The following ATF6 variants were observed in gnomAD, a reference collection of about 807,000 sequenced individuals.
ATF6 encodes the protein activating transcription factor 6.
In ATF6, 53 loss-of-function variants were observed where a neutral mutation model predicts 83.6. The ratio of observed to expected loss-of-function variants is 0.63; its 90% CI spans 0.51 to 0.80. ATF6 has a LOEUF of 0.80. ATF6 is among the 30% of genes least tolerant of loss of function. The pLI, the probability that ATF6 is intolerant of heterozygous loss-of-function variation, is 0.00. For missense variants in ATF6, 744 were observed against 797.9 expected, an observed-to-expected ratio of 0.93 and a Z score of 0.81; for synonymous variants, 288 against 285.8, an observed-to-expected ratio of 1.01 and a Z score of -0.08.
At chr1:161,909,784 G>A (rs1246771103) in intron 14 of ATF6, among the ~76,000 whole-genome samples, 2 of 152,016 alleles carry the variant, frequency 1.3e-5, no homozygotes, top group East Asian at 1.9e-4. Context: ...GTGAAACCCC[G>A]TCTCTACTAA....
chr1:161,908,646 G>A (rs539061933), intron 14 of ATF6, among the ~76,000 whole-genome samples: 29 of 151,202 alleles, frequency 1.9e-4, no homozygotes, highest in African/African-American at 6.3e-4. Context: ...TAAGCCCTAC[G>A]GAAAGCCTCA....
Position 161,958,759 on chromosome 1 carries a change from C to T in ATF6, c.*105C>T, listed in dbSNP as rs982779770. The T allele has an allele frequency of 9.6e-6, 9 of 937,322 alleles. No homozygotes were observed. Among genetic ancestry groups the T allele is most frequent in the East Asian group, 7.6e-5 (3 of 39,248 alleles). The allele number at this position is 937,322 out of a possible 1,614,324, so 58.1% of individuals were successfully genotyped here. A position where few individuals can be genotyped will look rare whatever the true frequency, so the allele number is the denominator to read the frequency against. The stretch of plus-strand genomic sequence containing the variant: ...CTTGGTGGCAGGCAGAGAACTGTCT[C>T]GTACTAGAATTCAAGGAGGAAAGAA... On this transcript the variant is annotated 3_prime_UTR_variant, in exon 16 of 16. Transcript: ENST00000367942.
In ATF6 at chr1:161,780,988, T is replaced by C. The variant is rs538053100; in HGVS notation, c.160-924T>C. Among the ~76,000 whole-genome samples the C allele has an allele frequency of 4.6e-5, 7 of 152,344 alleles. No homozygotes were observed. In the South Asian group the frequency reaches 6.2e-4, roughly 14 times the overall value. ...GTTGCTGTTTTATCATTTGTGACAT[T>C]AAGTTAATATTTACTGCCTTTTGAC... On this transcript the variant is annotated intron_variant, in intron 2 of 15. Coordinates refer to ENST00000367942, the MANE Select transcript of ATF6 (RefSeq NM_007348.4).
chr1:161,860,241 T>C lies in ATF6; in HGVS notation c.1568T>C (p.Met523Thr). Reference protein sequence around the residue: ...ALEQGSNSQLMAVQYTETTSS... With the variant: ...ALEQGSNSQLTAVQYTETTSS... ...GAACAGGGCTCAAATTCTCAGCTGA[T>C]GGCTGTTCAATACACAGAAACCACT... is the stretch of plus-strand genomic sequence containing the variant. Residue 523 changes from methionine to threonine, a missense_variant, in exon 13 of 16, where the codon ATG becomes ACG. By Grantham distance (81) the Met-to-Thr change is moderately conservative. Transcript: ENST00000367942. 1 of 1,595,598 alleles carries C rather than the reference T, an allele frequency of 6.3e-7. No homozygotes were observed. The highest frequency in any genetic ancestry group is 8.6e-7 in the Non-Finnish European group (1 of 1,169,288).
intron 15 of ATF6, among the ~76,000 whole-genome samples, chr1:161,941,649 A>G (rs1292069856): frequency 6.6e-6 from 1 of 152,238 alleles, no homozygotes. Context: ...TTAGTCAGGA[A>G]AAGCCCCAAG....
At chr1:161,834,991 G>T (rs1357773556) in intron 9 of ATF6, among the ~76,000 whole-genome samples, 1 of 152,176 alleles carries the variant, frequency 6.6e-6, no homozygotes, top group African/African-American at 2.4e-5. Context: ...CTGATGGGAT[G>T]CACTGAGAAG....
At chr1:161,869,297 C>A (rs1315479686) in intron 14 of ATF6, among the ~76,000 whole-genome samples, 1 of 151,478 alleles carries the variant, frequency 6.6e-6, no homozygotes, top group South Asian at 2.1e-4. Flanking sequence ...TATAAAAATT[C>A]AACATATGTA....
At chr1:161,891,227 C>A (rs745629626) in intron 14 of ATF6, 1 of 152,318 alleles carries the variant, frequency 6.6e-6, no homozygotes, top group Non-Finnish European at 1.5e-5. Flanking sequence ...TGCTTGGCAG[C>A]GAGGGACAGC....
At chr1:161,902,203 A>G (rs558252448) in intron 14 of ATF6, among the ~76,000 whole-genome samples, 1 of 152,288 alleles carries the variant, frequency 6.6e-6, no homozygotes, top group South Asian at 2.1e-4. Flanking sequence ...TTCAAGTAAA[A>G]GTGGTATTGA....
chr1:161,811,792 T>C (rs1476646831), intron 7 of ATF6, among the ~76,000 whole-genome samples: 1 of 138,148 alleles, frequency 7.2e-6, no homozygotes. Flanking sequence ...TCCATCCATA[T>C]ACACACACAA....
chr1:161,803,649 T>A (rs1412439582), intron 7 of ATF6, among the ~76,000 whole-genome samples: 1 of 152,166 alleles, frequency 6.6e-6, no homozygotes, highest in Non-Finnish European at 1.5e-5. Context: ...TTTATTTTTC[T>A]ATCCTTTTGG....
intron 13 of ATF6, among the ~76,000 whole-genome samples, chr1:161,862,213 A>G (rs1686901137): frequency 6.6e-6 from 1 of 152,182 alleles, no homozygotes; most frequent in South Asian, 2.1e-4. Context: ...TATATTCAAA[A>G]TATTGTAATC....
chr1:161,953,477 C>A (rs925160082), intron 15 of ATF6, among the ~76,000 whole-genome samples: 4 of 152,176 alleles, frequency 2.6e-5, no homozygotes, highest in Admixed American at 6.5e-5. Flanking sequence ...CTCTCCCTAT[C>A]TGAATCCTCA....
chr1:161,828,912 A>C (rs886490653), intron 9 of ATF6, among the ~76,000 whole-genome samples: 10 of 152,188 alleles, frequency 6.6e-5, no homozygotes, highest in Admixed American at 2.0e-4. Context: ...AGAGACACAC[A>C]CAGGCTCAAA....
intron 15 of ATF6, among the ~76,000 whole-genome samples, chr1:161,927,565 G>A (rs1688343891): frequency 6.6e-6 from 1 of 152,156 alleles, no homozygotes; most frequent in South Asian, 2.1e-4. Context: ...TGTGTTAGAA[G>A]ACATTTCTGT....
intron 12 of ATF6, among the ~76,000 whole-genome samples, chr1:161,854,343 GCTT>G (rs774868659): frequency 2.6e-5 from 4 of 152,160 alleles, no homozygotes; most frequent in Non-Finnish European, 5.9e-5. Flanking sequence ...GAAATTCTTT[GCTT>G]CTTGCTTGAG....
chr1:161,871,083 A>G (rs1003343199), intron 14 of ATF6, among the ~76,000 whole-genome samples: 3 of 151,698 alleles, frequency 2.0e-5, no homozygotes, highest in Non-Finnish European at 3.0e-5. Flanking sequence ...ATAAATGTTG[A>G]CTACTCAGAC....
chr1:161,799,644 T>G (rs1391862486), intron 6 of ATF6, among the ~76,000 whole-genome samples: 1 of 152,198 alleles, frequency 6.6e-6, no homozygotes, highest in Non-Finnish European at 1.5e-5. Flanking sequence ...AAATGTTTAA[T>G]GATCATTTAT....
intron 14 of ATF6, among the ~76,000 whole-genome samples, chr1:161,866,315 C>T (rs781062414): frequency 2.4e-4 from 36 of 152,214 alleles, no homozygotes; most frequent in Non-Finnish European, 4.6e-4. Context: ...CCCAAACTTA[C>T]ACTCCCTCAC....
Sources: allele counts gnomAD v4.1 joint callset (sites outside exome capture counted in the v4.1 genomes callset), GRCh38; gene constraint gnomAD v4.1.1; transcripts MANE v1.5; gene names NCBI Gene and HGNC (gene_info 2026-07-23, HGNC 2026-07-21).